The following FSIP1 variants were observed in gnomAD, a reference collection of about 807,000 sequenced individuals.
FSIP1 encodes the protein fibrous sheath-interacting protein 1.
A neutral mutation model predicts 60.9 loss-of-function variants in FSIP1; 65 were observed. The ratio of observed to expected loss-of-function variants is 1.07; its 90% CI spans 0.87 to 1.31. The LOEUF is 1.31. Among genes scored for constraint, FSIP1 ranks in the 40% most tolerant of loss-of-function variants. The probability of loss-of-function intolerance (pLI) is 0.00; values close to 1 mark genes in which losing one functional copy is unlikely to be tolerated. For missense variants in FSIP1, 675 were observed against 665.5 expected (o/e 1.01, Z -0.16); for synonymous variants, 209 against 221.2 (o/e 0.94, Z 0.49).
In FSIP1 at chr15:39,713,570, A is replaced by C. The variant is rs769049637; in HGVS notation, c.1062T>G (p.Arg354=). Residue 354 remains arginine (R), a synonymous_variant, in exon 10 of 12, where the codon CGT becomes CGG. Coordinates refer to ENST00000350221, the MANE Select transcript of FSIP1 (RefSeq NM_152597.5). ...TTACTTCCATATTTCTTTCACCATC[A>C]CGGTCAGGTTTCTAATTTAAAGAAA... ...LENRNNQKPD[R]DGERNMEVTP... is the part of the protein sequence containing the mutation. The C allele has an allele frequency of 1.3e-6, 2 of 1,583,040 alleles. No individual in the cohort carries two copies. Among genetic ancestry groups the C allele is most frequent in the Non-Finnish European group, 1.7e-6 (2 of 1,170,616 alleles).
At chr15:39,713,618 C>T (rs1595650267) in intron 9 of FSIP1, 37 bp from the exon 10 acceptor site, 1 of 1,568,758 alleles carries the variant, frequency 6.4e-7, no homozygotes, top group African/African-American at 1.4e-5. Flanking sequence ...CATTCACAGG[C>T]TGGAAATGTG....
At chr15:39,764,456 C>T (rs1897612979) in intron 4 of FSIP1, among the ~76,000 whole-genome samples, 1 of 152,178 alleles carries the variant, frequency 6.6e-6, no homozygotes, top group Non-Finnish European at 1.5e-5. Flanking sequence ...TTAATTACTA[C>T]ATTTTTAATT....
At chr15:39,709,505 C>T (rs1192735812) in intron 10 of FSIP1, among the ~76,000 whole-genome samples, 1 of 152,208 alleles carries the variant, frequency 6.6e-6, no homozygotes, top group Non-Finnish European at 1.5e-5. Context: ...GTTTTAGATA[C>T]TATATATTAC....
intron 10 of FSIP1, among the ~76,000 whole-genome samples, chr15:39,669,134 G>A (rs1325595329): frequency 6.6e-6 from 1 of 152,138 alleles, no homozygotes; most frequent in Non-Finnish European, 1.5e-5. Flanking sequence ...AGCAACCTTA[G>A]GGCCAGCCTC....
intron 8 of FSIP1, among the ~76,000 whole-genome samples, chr15:39,729,681 T>C (rs1184280365): frequency 6.6e-6 from 1 of 152,114 alleles, no homozygotes; most frequent in African/African-American, 2.4e-5. Context: ...ATTTGGGACA[T>C]ACACACCATG....
intron 3 of FSIP1, among the ~76,000 whole-genome samples, chr15:39,767,057 C>T (rs116700716): frequency 0.016 from 2,426 of 152,120 alleles, 82 homozygotes; most frequent in African/African-American, 0.055. Flanking sequence ...ACTATGGTGC[C>T]CAGGCTGGTT....
chr15:39,602,758 C>T (rs1172186705), intron 11 of FSIP1, among the ~76,000 whole-genome samples: 1 of 152,186 alleles, frequency 6.6e-6, no homozygotes, highest in Non-Finnish European at 1.5e-5. Flanking sequence ...AACCATTCAT[C>T]CTTGGAGGCA....
At chr15:39,718,763 C>G (rs1370877482) in intron 9 of FSIP1, among the ~76,000 whole-genome samples, 2 of 152,176 alleles carry the variant, frequency 1.3e-5, no homozygotes. Flanking sequence ...TCTCAAAGTG[C>G]TGGGATTACA....
chr15:39,682,791 A>C (rs1052916860), intron 10 of FSIP1, among the ~76,000 whole-genome samples: 4 of 152,352 alleles, frequency 2.6e-5, no homozygotes, highest in Non-Finnish European at 5.9e-5. Flanking sequence ...TTCTTGCCTC[A>C]TGAAATGACA....
rs544373624 is a variant in FSIP1 at position 39,631,215 on chromosome 15, C to G, written c.1189-12970G>C. Among the ~76,000 whole-genome samples, 14 of 152,366 alleles carry G rather than the reference C, an allele frequency of 9.2e-5. No homozygotes were observed. The South Asian group carries it at 1.2e-3, about 14-fold the overall frequency. On this transcript the variant is annotated intron_variant, in intron 10 of 11. Transcript: ENST00000350221. ...ATCGCACCCCTAAAAACTCAGTGCT[C>G]TTAGTCTGTCCCCTTACTGACCAGT...
At chr15:39,780,363 A>C (rs938369973) in intron 1 of FSIP1, among the ~76,000 whole-genome samples, 1 of 152,108 alleles carries the variant, frequency 6.6e-6, no homozygotes, top group Non-Finnish European at 1.5e-5. Context: ...TCTCTACTAA[A>C]AATACAAAAA....
At chr15:39,700,168 C>T (rs1019363188) in intron 10 of FSIP1, among the ~76,000 whole-genome samples, 1 of 152,220 alleles carries the variant, frequency 6.6e-6, no homozygotes, top group Non-Finnish European at 1.5e-5. Flanking sequence ...CCCAAGCTTT[C>T]CAAAAGCTGG....
intron 5 of FSIP1, among the ~76,000 whole-genome samples, chr15:39,745,283 T>C (rs1473807088): frequency 1.3e-5 from 2 of 152,290 alleles, no homozygotes; most frequent in South Asian, 2.1e-4. Flanking sequence ...ATGTCATCTA[T>C]AGATTCTTGG....
chr15:39,717,628 A>G (rs569778594), intron 9 of FSIP1, among the ~76,000 whole-genome samples: 8 of 152,358 alleles, frequency 5.3e-5, no homozygotes, highest in African/African-American at 1.7e-4. Flanking sequence ...TGCCAAAACA[A>G]TATAGGTATA....
chr15:39,716,839 G>T (rs111334200), intron 9 of FSIP1, among the ~76,000 whole-genome samples: 6 of 124,396 alleles, frequency 4.8e-5, no homozygotes, highest in African/African-American at 1.8e-4. Flanking sequence ...TTTTTGAGAC[G>T]GAGTCTCGCT....
chr15:39,768,127 T>A (rs1897755020), intron 3 of FSIP1, among the ~76,000 whole-genome samples: 1 of 152,194 alleles, frequency 6.6e-6, no homozygotes, highest in Non-Finnish European at 1.5e-5. Context: ...CTCATCTGCC[T>A]GCCCCCTCTA....
At chr15:39,691,733 C>A (rs1894609113) in intron 10 of FSIP1, among the ~76,000 whole-genome samples, 1 of 152,120 alleles carries the variant, frequency 6.6e-6, no homozygotes, top group Admixed American at 6.5e-5. Flanking sequence ...AGTCTCTCAA[C>A]TAATGTGACT....
chr15:39,713,279 A>G (rs1455795440), intron 10 of FSIP1, among the ~76,000 whole-genome samples, 165 bp downstream of exon 10: 1 of 152,204 alleles, frequency 6.6e-6, no homozygotes, highest in East Asian at 1.9e-4. Flanking sequence ...TTTAAATAAG[A>G]GAGATGGACG....
rs368119416 is a variant in FSIP1, at chr15:39,687,113, C to CCTTT, written c.1188+26327_1188+26330dup. Among the ~76,000 whole-genome samples the CCTTT allele has an allele frequency of 3.0e-3, 444 of 146,430 alleles. 8 individuals carry two copies. The highest frequency in any genetic ancestry group is 0.011 in the African/African-American group (412 of 39,044). ...GCTTTTGACACCCAATGCCCTTTCACCTTTCTTTCTTTCTTTTCTTTTCCT... is the reference window on the plus strand; with the variant it reads ...GCTTTTGACACCCAATGCCCTTTCACCTTTCTTTCTTTCTTTCTTTTCTTTTCCT... On this transcript the variant is annotated intron_variant, in intron 10 of 11. Transcript: ENST00000350221.
Sources: allele counts gnomAD v4.1 joint callset (sites outside exome capture counted in the v4.1 genomes callset), GRCh38; gene constraint gnomAD v4.1.1; transcripts MANE v1.5; gene names NCBI Gene and HGNC (gene_info 2026-07-23, HGNC 2026-07-21).